Variants in WWOX observed in about 807,000 individuals in gnomAD.
WWOX encodes WW domain containing oxidoreductase, also known as WW domain-containing oxidoreductase.
WWOX carries 69 observed loss-of-function variants against 46.2 expected under a neutral mutation model. The ratio of observed to expected loss-of-function variants is 1.49; its 90% CI spans 1.23 to 1.82. The LOEUF (loss-of-function observed/expected upper bound fraction) is 1.82. Among genes scored for constraint, WWOX ranks in the 40% most tolerant of loss-of-function variants. WWOX has a pLI of 0.00. For synonymous variants in WWOX, 359 were observed against 202.6 expected (o/e 1.77, Z -6.56); for missense variants, 919 against 542.6 (o/e 1.69, Z -6.89).
chr16:79,164,179 C>G (rs771939678), intron 8 of WWOX, among the ~76,000 whole-genome samples: 2 of 152,126 alleles, frequency 1.3e-5, no homozygotes, highest in African/African-American at 2.4e-5. Context: ...TAAATCAATA[C>G]TTTCATGTCT....
chr16:78,917,035 T>C (rs1170195963), intron 8 of WWOX, among the ~76,000 whole-genome samples: 1 of 152,210 alleles, frequency 6.6e-6, no homozygotes, highest in East Asian at 1.9e-4. Flanking sequence ...TTGGGTCTTA[T>C]GACAAATGTT....
At chr16:78,688,855 C>T (rs770986433) in intron 8 of WWOX, among the ~76,000 whole-genome samples, 1 of 152,116 alleles carries the variant, frequency 6.6e-6, no homozygotes, top group Non-Finnish European at 1.5e-5. Context: ...GCAGTTACCC[C>T]CATGATGTTT....
At chr16:78,682,931 T>C (rs564500528) in intron 8 of WWOX, among the ~76,000 whole-genome samples, 103 of 152,210 alleles carry the variant, frequency 6.8e-4, no homozygotes, top group African/African-American at 2.4e-3. Context: ...CATCATAAGC[T>C]CCAAGTGAGT....
At chr16:78,478,700 T>C (rs1166188858) in intron 8 of WWOX, among the ~76,000 whole-genome samples, 1 of 152,238 alleles carries the variant, frequency 6.6e-6, no homozygotes, top group Non-Finnish European at 1.5e-5. Flanking sequence ...TAATGCAGGC[T>C]CCAAAGGTGC....
chr16:78,941,731 AG>A (rs2045855706), intron 8 of WWOX, among the ~76,000 whole-genome samples: 1 of 152,196 alleles, frequency 6.6e-6, no homozygotes, highest in Admixed American at 6.5e-5. Context: ...AGGTTTGAAA[AG>A]GCAGTTAATC....
chr16:78,714,305 C>G (rs565661194), intron 8 of WWOX, among the ~76,000 whole-genome samples: 23 of 152,040 alleles, frequency 1.5e-4, no homozygotes, highest in African/African-American at 5.1e-4. Flanking sequence ...TGGCGGAAGG[C>G]AAAGGAGGAG....
rs540327822 is a variant in WWOX at position 78,747,483 on chromosome 16, G to A, written c.1056+314731G>A. 5.9e-5 allele frequency among the ~76,000 whole-genome samples: 9 copies of A among 152,208 alleles called. No homozygotes were observed. In the East Asian group the frequency reaches 1.5e-3, roughly 26 times the overall value. The stretch of plus-strand genomic sequence containing the variant: ...TATGAAGTGCTCATTATGTGCCAGC[G>A]TTCTTAGCATCTCCCAACAACCCTA... On this transcript the variant is annotated intron_variant, in intron 8 of 8. Transcript: ENST00000566780.
chr16:78,459,386 T>C (rs914625865), intron 8 of WWOX, among the ~76,000 whole-genome samples: 13 of 152,214 alleles, frequency 8.5e-5, no homozygotes, highest in African/African-American at 2.7e-4. Context: ...TATTTCCGAG[T>C]GGCCTACAAG....
At chr16:78,975,634 C>T (rs2046556624) in intron 8 of WWOX, among the ~76,000 whole-genome samples, 1 of 152,136 alleles carries the variant, frequency 6.6e-6, no homozygotes, top group African/African-American at 2.4e-5. Flanking sequence ...TATTCCCCAA[C>T]TGTCGTCCCT....
At chr16:78,321,384 A>ATATATGCG (rs2080476489) in intron 5 of WWOX, among the ~76,000 whole-genome samples, 1 of 95,188 alleles carries the variant, frequency 1.1e-5, no homozygotes, top group African/African-American at 5.6e-5. Context: ...ATATATGCGT[A>ATATATGCG]TATATATACG....
chr16:78,923,038 A>C (rs191707947), intron 8 of WWOX, among the ~76,000 whole-genome samples: 1 of 144,196 alleles, frequency 6.9e-6, no homozygotes, highest in African/African-American at 2.6e-5. Flanking sequence ...CTGGAGTGCA[A>C]TGGCGCAATG....
chr16:78,646,710 T>C (rs1203802678), intron 8 of WWOX, among the ~76,000 whole-genome samples: 2 of 152,178 alleles, frequency 1.3e-5, no homozygotes, highest in Non-Finnish European at 2.9e-5. Flanking sequence ...TTACAGGCCA[T>C]TGTGCCTGGC....
At chr16:79,031,367 G>C (rs903165030) in intron 8 of WWOX, among the ~76,000 whole-genome samples, 22 of 152,086 alleles carry the variant, frequency 1.4e-4, no homozygotes, top group African/African-American at 5.3e-4. Context: ...CACAGCTCCT[G>C]CCTCCTTCTT....
intron 5 of WWOX, among the ~76,000 whole-genome samples, chr16:78,364,274 T>A (rs2081481558): frequency 6.6e-6 from 1 of 152,216 alleles, no homozygotes; most frequent in Admixed American, 6.5e-5. Context: ...GTTACTCTAC[T>A]CTCCTGATAG....
At chr16:79,123,402 C>T (rs949114064) in intron 8 of WWOX, among the ~76,000 whole-genome samples, 5 of 152,064 alleles carry the variant, frequency 3.3e-5, no homozygotes, top group Non-Finnish European at 7.4e-5. Flanking sequence ...CCCAGGTTTT[C>T]GGGAGTGGAA....
rs1037363810 is a variant in WWOX, at chr16:78,275,084, CAG to C, written c.516+110798_516+110799del. On this transcript the variant is annotated intron_variant, in intron 5 of 8. Transcript: ENST00000566780. ...TTTCTTTTCCGAGCTGTGGCCCATGCAGAGTTTACTGAGACTTGGCTCTTGCC... is the reference window on the plus strand; with the variant it reads ...TTTCTTTTCCGAGCTGTGGCCCATGCAGTTTACTGAGACTTGGCTCTTGCC... Among the ~76,000 whole-genome samples the C allele has an allele frequency of 1.1e-4, 17 of 152,258 alleles. 1 individual carries two copies. Among genetic ancestry groups the C allele is most frequent in the African/African-American group, 3.6e-4 (15 of 41,550 alleles).
intron 8 of WWOX, among the ~76,000 whole-genome samples, chr16:78,692,526 A>G (rs1218117847): frequency 1.3e-5 from 2 of 152,152 alleles, no homozygotes; most frequent in Non-Finnish European, 2.9e-5. Flanking sequence ...GGGTTCTAAG[A>G]CGTCCAAGGA....
chr16:78,794,151 T>G (rs1222091375), intron 8 of WWOX, among the ~76,000 whole-genome samples: 2 of 152,080 alleles, frequency 1.3e-5, no homozygotes, highest in Admixed American at 6.5e-5. Context: ...AGTGCCCTTA[T>G]AAAAGTGACC....
chr16:79,096,096 G>T lies in WWOX; in HGVS notation c.1057-115512G>T, dbSNP rs1421785257. Reference sequence around the variant, plus strand: ...TTGTCAAGGCTGGTCTAAAACTCCTGACCTCAACTGATCCGCCTGCCTCGG... The same window carrying T: ...TTGTCAAGGCTGGTCTAAAACTCCTTACCTCAACTGATCCGCCTGCCTCGG... On this transcript the variant is annotated intron_variant, in intron 8 of 8. Transcript: ENST00000566780. 5.8e-5 allele frequency among the ~76,000 whole-genome samples: 8 copies of T among 137,026 alleles called. No individual in the cohort carries two copies. In the Admixed American group the frequency reaches 6.5e-4, roughly 11 times the overall value. The allele number at this position is 137,026 out of a possible 152,430, so 89.9% of individuals were successfully genotyped here.
Sources: allele counts gnomAD v4.1 joint callset (sites outside exome capture counted in the v4.1 genomes callset), GRCh38; gene constraint gnomAD v4.1.1; transcripts MANE v1.5; gene names NCBI Gene and HGNC (gene_info 2026-07-23, HGNC 2026-07-21).